Variants in MSRA observed in about 807,000 individuals in gnomAD.
MSRA encodes the protein mitochondrial peptide methionine sulfoxide reductase.
A neutral mutation model predicts 31.3 loss-of-function variants in MSRA; 54 were observed. That is an observed-to-expected ratio of 1.73 (90% CI 1.39 to 2.17). The LOEUF (loss-of-function observed/expected upper bound fraction) is 2.17. Among genes scored for constraint, MSRA ranks in the 30% most tolerant of loss-of-function variants. The pLI, the probability that MSRA is intolerant of heterozygous loss-of-function variation, is 0.00. For missense variants in MSRA, 507 were observed against 300.9 expected (o/e 1.69, Z -5.07); for synonymous variants, 169 against 116.5 (o/e 1.45, Z -2.90).
At position 10,126,577 on chromosome 8, in the gene MSRA, A is replaced by G. The variant is rs532616534; in HGVS notation, c.142+71919A>G. On this transcript the variant is annotated intron_variant, in intron 1 of 5. Transcript: ENST00000317173. Reference sequence around the variant, plus strand: ...GCCCAGGCTAGAGTGCAGTGGCATGATGTCTGCTCACCACAACCTCTGCCT... The same window carrying G: ...GCCCAGGCTAGAGTGCAGTGGCATGGTGTCTGCTCACCACAACCTCTGCCT... Among the ~76,000 whole-genome samples the G allele has an allele frequency of 7.6e-4, 115 of 152,106 alleles. 1 individual carries two copies. Among genetic ancestry groups the G allele is most frequent in the Middle Eastern group, 3.2e-3 (1 of 316 alleles).
At chr8:10,109,391 G>C (rs1417700566) in intron 1 of MSRA, among the ~76,000 whole-genome samples, 2 of 151,212 alleles carry the variant, frequency 1.3e-5, no homozygotes, top group East Asian at 1.9e-4. Flanking sequence ...ACCCAGGCTG[G>C]AGTGCAGAGA....
chr8:10,317,697 T>G (rs533501131), intron 4 of MSRA, among the ~76,000 whole-genome samples: 1 of 152,322 alleles, frequency 6.6e-6, no homozygotes, highest in East Asian at 1.9e-4. Context: ...GTCCACTGCT[T>G]GCTTTCCTGG....
At chr8:10,077,400 T>G (rs1403678933) in intron 1 of MSRA, among the ~76,000 whole-genome samples, 1 of 151,992 alleles carries the variant, frequency 6.6e-6, no homozygotes, top group Non-Finnish European at 1.5e-5. Flanking sequence ...GGGGAAGATA[T>G]GGGAAGATGT....
At chr8:10,152,069 T>C (rs1223015531) in intron 1 of MSRA, among the ~76,000 whole-genome samples, 1 of 152,220 alleles carries the variant, frequency 6.6e-6, no homozygotes, top group Non-Finnish European at 1.5e-5. Flanking sequence ...CTCTGAAACA[T>C]GGCTCCCTTA....
intron 1 of MSRA, among the ~76,000 whole-genome samples, chr8:10,106,390 C>G (rs939671933): frequency 5.9e-5 from 9 of 152,160 alleles, no homozygotes; most frequent in African/African-American, 1.4e-4. Context: ...GAATTCTTAC[C>G]TGGAATCAGC....
intron 2 of MSRA, among the ~76,000 whole-genome samples, chr8:10,237,614 C>T (rs1222158590): frequency 6.6e-6 from 1 of 152,190 alleles, no homozygotes; most frequent in Non-Finnish European, 1.5e-5. Flanking sequence ...ACTTACTCTA[C>T]TAGGTATTTT....
At chr8:10,119,746 C>T (rs1017741781) in intron 1 of MSRA, among the ~76,000 whole-genome samples, 3 of 152,066 alleles carry the variant, frequency 2.0e-5, no homozygotes. Context: ...GTCTTATAAT[C>T]GAGTAGAGTA....
chr8:10,260,288 A>G (rs1585300530), intron 3 of MSRA, among the ~76,000 whole-genome samples: 1 of 152,182 alleles, frequency 6.6e-6, no homozygotes, highest in Admixed American at 6.5e-5. Context: ...GAGCTGTTTA[A>G]TACCACCACG....
At chr8:10,377,596 C>G (rs988620263) in intron 5 of MSRA, among the ~76,000 whole-genome samples, 3 of 152,180 alleles carry the variant, frequency 2.0e-5, no homozygotes, top group Non-Finnish European at 4.4e-5. Flanking sequence ...TTGGTTTTGT[C>G]TCTGCCTAGT....
At chr8:10,112,651 T>A (rs531059409) in intron 1 of MSRA, among the ~76,000 whole-genome samples, 1 of 152,234 alleles carries the variant, frequency 6.6e-6, no homozygotes, top group Admixed American at 6.5e-5. Context: ...GTAAAACTTA[T>A]ATTAGGGAAG....
chr8:10,406,773 A>T (rs1055950190), intron 5 of MSRA, among the ~76,000 whole-genome samples: 2 of 152,204 alleles, frequency 1.3e-5, no homozygotes, highest in African/African-American at 4.8e-5. Context: ...CTGAAAAGTC[A>T]TGTTGTTTGG....
At chr8:10,336,678 C>T (rs149349263) in intron 5 of MSRA, 36 of 152,178 alleles carry the variant, frequency 2.4e-4, no homozygotes, top group African/African-American at 7.7e-4. Context: ...ATGTAGATTC[C>T]AGAGTTGTAA....
intron 1 of MSRA, among the ~76,000 whole-genome samples, chr8:10,061,569 A>T (rs1414715866): frequency 6.6e-6 from 1 of 152,082 alleles, no homozygotes; most frequent in East Asian, 1.9e-4. Flanking sequence ...AGCTCACAGC[A>T]CTTCACCAAG....
At chr8:10,209,627 T>A (rs1809301151) in intron 2 of MSRA, among the ~76,000 whole-genome samples, 1 of 152,220 alleles carries the variant, frequency 6.6e-6, no homozygotes, top group South Asian at 2.1e-4. Flanking sequence ...CCCAAGGCCC[T>A]CATTGTTTCA....
chr8:10,404,463 G>A (rs1045619015), intron 5 of MSRA, among the ~76,000 whole-genome samples: 2 of 152,236 alleles, frequency 1.3e-5, no homozygotes, highest in African/African-American at 4.8e-5. Flanking sequence ...GCCCGCCCAC[G>A]TGGATGGCTT....
intron 1 of MSRA, among the ~76,000 whole-genome samples, chr8:10,204,152 AGTTAT>A (rs770133995): frequency 3.6e-5 from 5 of 140,370 alleles, no homozygotes; most frequent in African/African-American, 1.1e-4. Flanking sequence ...GCTTGTGTTA[AGTTAT>A]GTTATTACAA....
chr8:10,148,514 G>C (rs908116143), intron 1 of MSRA, among the ~76,000 whole-genome samples: 6 of 151,974 alleles, frequency 3.9e-5, no homozygotes, highest in African/African-American at 7.3e-5. Context: ...AGGCATGGTG[G>C]TGCACATCTG....
intron 3 of MSRA, 28 bp from the exon 4 acceptor site, chr8:10,301,506 T>C (rs1258976219): frequency 2.5e-6 from 4 of 1,572,506 alleles, no homozygotes; most frequent in Non-Finnish European, 2.6e-6. Context: ...GTCAGTAAAT[T>C]TCGGTTGTAC....
chr8:10,082,901 G>A (rs548633737), intron 1 of MSRA, among the ~76,000 whole-genome samples: 3 of 152,352 alleles, frequency 2.0e-5, no homozygotes, highest in Admixed American at 6.5e-5. Flanking sequence ...ACGACTAGAT[G>A]TGCTCAGCAC....
Sources: gnomAD v4.1 joint callset for allele counts (sites outside exome capture counted in the v4.1 genomes callset) on GRCh38, gnomAD v4.1.1 for gene constraint, MANE v1.5 for transcripts, NCBI Gene and HGNC (gene_info 2026-07-23, HGNC 2026-07-21) for gene names.